WDPCP: variants seen among roughly 807,000 people sequenced by gnomAD.
The protein encoded by WDPCP is WD repeat containing planar cell polarity effector.
Under a neutral mutation model 93.1 loss-of-function variants are expected in WDPCP, and 71 were observed. The observed-to-expected ratio is 0.76, with a 90% CI of 0.63 to 0.93. The LOEUF is 0.93. Among genes scored for constraint, WDPCP ranks in the 40% least tolerant of loss-of-function variants. The pLI, the probability that WDPCP is intolerant of heterozygous loss-of-function variation, is 0.00. For synonymous variants in WDPCP, 315 were observed against 315.0 expected (o/e 1.00, Z 0.00); for missense variants, 844 against 887.4 (o/e 0.95, Z 0.62).
chr2:63,692,838 G>A (rs1668909352), intron 2 of WDPCP, among the ~76,000 whole-genome samples: 1 of 151,952 alleles, frequency 6.6e-6, no homozygotes, highest in African/African-American at 2.4e-5. Flanking sequence ...ACAGTTCCAG[G>A]GATAATAAAA....
chr2:63,462,634 G>A (rs974296508), intron 6 of WDPCP, among the ~76,000 whole-genome samples: 14 of 151,764 alleles, frequency 9.2e-5, no homozygotes. Flanking sequence ...AAGTGAGGAG[G>A]TTCTGGCTAA....
At chr2:63,825,573 C>G (rs1434680783) in intron 1 of WDPCP, among the ~76,000 whole-genome samples, 1 of 151,790 alleles carries the variant, frequency 6.6e-6, no homozygotes, top group Non-Finnish European at 1.5e-5. Context: ...TCTCTGCTAA[C>G]AAACTACATT....
intron 15 of WDPCP, among the ~76,000 whole-genome samples, chr2:63,170,047 CA>C (rs1673270421): frequency 6.6e-6 from 1 of 151,606 alleles, no homozygotes; most frequent in Admixed American, 6.6e-5. Context: ...CGTGGACCAC[CA>C]TGCCAGGCTA....
At chr2:63,279,235 T>C (rs1334407845) in intron 13 of WDPCP, among the ~76,000 whole-genome samples, 1 of 152,090 alleles carries the variant, frequency 6.6e-6, no homozygotes, top group Admixed American at 6.5e-5. Context: ...CAATCCTCAA[T>C]AAAATACTAG....
At chr2:63,413,850 G>C (rs1015739624) in intron 9 of WDPCP, among the ~76,000 whole-genome samples, 1 of 151,990 alleles carries the variant, frequency 6.6e-6, no homozygotes, top group African/African-American at 2.4e-5. Context: ...TTAAACTAAA[G>C]AGCTTTTGCA....
chr2:63,342,860 T>C lies in WDPCP; in HGVS notation c.1749-29549A>G, dbSNP rs1688942873. On this transcript the variant is annotated intron_variant, in intron 12 of 17. Coordinates refer to ENST00000272321, the MANE Select transcript of WDPCP (RefSeq NM_015910.7). ...TCTATGGCTTTGAGTTACTGTCCAG[T>C]GTCTTTTCATTTCAGTCTGAAGAAC... 6.6e-5 allele frequency among the ~76,000 whole-genome samples: 10 copies of C among 152,336 alleles called. 1 individual carries two copies. In the South Asian group the frequency reaches 2.1e-3, roughly 32 times the overall value.
At chr2:63,345,519 C>T (rs757044637) in intron 12 of WDPCP, among the ~76,000 whole-genome samples, 12 of 152,154 alleles carry the variant, frequency 7.9e-5, no homozygotes, top group Admixed American at 1.3e-4. Flanking sequence ...GTGCTATTTA[C>T]AGGTAATGAC....
Position 63,567,030 on chromosome 2 carries a change from G to A in WDPCP, c.75+21167C>T, listed in dbSNP as rs200907947. 2.0e-5 allele frequency among the ~76,000 whole-genome samples: 3 copies of A among 152,280 alleles called. No homozygotes were observed. In the East Asian group the frequency reaches 5.8e-4, roughly 29 times the overall value. On this transcript the variant is annotated intron_variant, in intron 1 of 17. Coordinates refer to ENST00000272321, the MANE Select transcript of WDPCP (RefSeq NM_015910.7). ...GAGGTCGGGGGTGGTGTGGTTGTGG[G>A]GAGAAAGGTTAGGACAGGGCTTCTA...
Position 63,129,898 on chromosome 2 carries a change from T to C in WDPCP, c.2191-7842A>G, listed in dbSNP as rs1670177332. On this transcript the variant is annotated intron_variant, in intron 17 of 17. Transcript: ENST00000272321. Reference sequence around the variant, plus strand: ...AATGTAATTATTATGTAAATCATTGTTATACTGTATTATTTAGGGAATAAT... The same window carrying C: ...AATGTAATTATTATGTAAATCATTGCTATACTGTATTATTTAGGGAATAAT... 3.3e-5 allele frequency among the ~76,000 whole-genome samples: 5 copies of C among 152,308 alleles called. No homozygotes were observed. In the South Asian group the frequency reaches 1.0e-3, roughly 32 times the overall value.
At chr2:63,349,873 G>A (rs1689457873) in intron 12 of WDPCP, among the ~76,000 whole-genome samples, 1 of 152,162 alleles carries the variant, frequency 6.6e-6, no homozygotes, top group South Asian at 2.1e-4. Context: ...TTTAGTTGCA[G>A]GCTCTCCCAG....
At chr2:63,622,614 T>C (rs553431788) in intron 3 of WDPCP, 148 of 1,613,788 alleles carry the variant, frequency 9.2e-5, no homozygotes, top group South Asian at 6.9e-4. Flanking sequence ...GTGAGCAACA[T>C]TGGCAGGAAA....
chr2:63,163,582 G>A (rs1377518428), intron 15 of WDPCP, among the ~76,000 whole-genome samples: 1 of 152,146 alleles, frequency 6.6e-6, no homozygotes, highest in Non-Finnish European at 1.5e-5. Context: ...TATGCCATAT[G>A]TTCTCCTCTC....
chr2:63,575,446 C>T (rs12468214), intron 1 of WDPCP, among the ~76,000 whole-genome samples: 10 of 82,868 alleles, frequency 1.2e-4, no homozygotes, highest in East Asian at 7.0e-4. Flanking sequence ...ACAGTGTATA[C>T]ACTGTATATA....
chr2:63,785,647 G>A (rs1049547613), intron 2 of WDPCP, among the ~76,000 whole-genome samples: 8 of 152,010 alleles, frequency 5.3e-5, no homozygotes, highest in Admixed American at 1.3e-4. Flanking sequence ...TTGGTTAGCT[G>A]AAAATCAGGC....
intron 3 of WDPCP, among the ~76,000 whole-genome samples, chr2:63,638,811 G>GA (rs138586157): frequency 0.046 from 6,798 of 149,250 alleles, 187 homozygotes; most frequent in South Asian, 0.072. Context: ...AAAAAAAAAG[G>GA]AAAAAATCAA....
At chr2:63,816,313 A>C (rs1670931848) in intron 1 of WDPCP, among the ~76,000 whole-genome samples, 1 of 152,218 alleles carries the variant, frequency 6.6e-6, no homozygotes, top group Admixed American at 6.5e-5. Context: ...AGGTGACTTG[A>C]CAAACTGTGA....
At chr2:63,452,965 T>C (rs1455952120) in intron 6 of WDPCP, among the ~76,000 whole-genome samples, 4 of 152,156 alleles carry the variant, frequency 2.6e-5, no homozygotes, top group African/African-American at 9.7e-5. Flanking sequence ...AAGACTTAAA[T>C]GTTAGACCTA....
intron 14 of WDPCP, among the ~76,000 whole-genome samples, chr2:63,214,060 C>T (rs543794224): frequency 8.5e-5 from 13 of 152,268 alleles, no homozygotes; most frequent in Middle Eastern, 6.8e-3. Flanking sequence ...GGAGCTGGTA[C>T]CATGCCTTCT....
chr2:63,812,857 G>A (rs62138822), intron 2 of WDPCP, among the ~76,000 whole-genome samples: 2,899 of 151,676 alleles, frequency 0.019, 48 homozygotes, highest in South Asian at 0.069. Context: ...TCTGGGTCAC[G>A]TAAGTTTTAG....
Sources: gnomAD v4.1 joint callset for allele counts (sites outside exome capture counted in the v4.1 genomes callset) on GRCh38, gnomAD v4.1.1 for gene constraint, MANE v1.5 for transcripts, NCBI Gene and HGNC (gene_info 2026-07-23, HGNC 2026-07-21) for gene names.